CNTN6: variants seen among roughly 807,000 people sequenced by gnomAD.
CNTN6 encodes the protein contactin-6.
CNTN6 carries 137 observed loss-of-function variants against 122.8 expected under a neutral mutation model. The ratio of observed to expected loss-of-function variants is 1.12; its 90% CI spans 0.97 to 1.29. The LOEUF (loss-of-function observed/expected upper bound fraction) is 1.29, where lower values mean the gene tolerates loss of function less well. CNTN6 is among the 50% of genes most tolerant of loss of function. CNTN6 has a pLI of 0.00. For synonymous variants in CNTN6, 570 were observed against 426.0 expected (o/e 1.34, Z -4.16); for missense variants, 1,634 against 1,223.4 (o/e 1.34, Z -5.01).
In CNTN6 at chr3:1,305,098, C is replaced by T. The variant is rs77064153; in HGVS notation, c.761+7107C>T. 8.4e-3 allele frequency among the ~76,000 whole-genome samples: 1,268 copies of T among 151,648 alleles called. 17 individuals carry two copies. The highest frequency in any genetic ancestry group is 0.029 in the African/African-American group (1,191 of 41,330). ...AAACATCAAAAATCAGGTTTATACA[C>T]CTTATTATTTTATAGATGATGATGG... On this transcript the variant is annotated intron_variant, in intron 7 of 22. Transcript: ENST00000446702.
intron 20 of CNTN6, among the ~76,000 whole-genome samples, chr3:1,397,180 C>T (rs570429112): frequency 2.0e-5 from 3 of 152,002 alleles, no homozygotes; most frequent in Non-Finnish European, 4.4e-5. Context: ...TCTTTGCCAA[C>T]CGGCAATTTC....
intron 4 of CNTN6, among the ~76,000 whole-genome samples, chr3:1,239,828 A>G (rs2094461069): frequency 6.6e-6 from 1 of 152,226 alleles, no homozygotes; most frequent in African/African-American, 2.4e-5. Flanking sequence ...AAATAGGCAC[A>G]TAGACCAATG....
intron 1 of CNTN6, among the ~76,000 whole-genome samples, chr3:1,141,306 C>T (rs1029039183): frequency 6.6e-6 from 1 of 152,128 alleles, no homozygotes; most frequent in African/African-American, 2.4e-5. Context: ...AACATGGCAA[C>T]TGAAAATGGA....
chr3:1,301,146 C>G (rs1697336584), intron 7 of CNTN6, among the ~76,000 whole-genome samples: 1 of 149,482 alleles, frequency 6.7e-6, no homozygotes, highest in African/African-American at 2.5e-5. Context: ...AAGTGATTCT[C>G]CTGCCTCAGC....
At chr3:1,196,625 T>C (rs2093782419) in intron 2 of CNTN6, among the ~76,000 whole-genome samples, 1 of 152,180 alleles carries the variant, frequency 6.6e-6, no homozygotes, top group Non-Finnish European at 1.5e-5. Flanking sequence ...TGACTTATCA[T>C]AGGCCCTCGA....
intron 1 of CNTN6, among the ~76,000 whole-genome samples, chr3:1,114,115 C>T (rs1300000252): frequency 6.6e-6 from 1 of 152,172 alleles, no homozygotes; most frequent in African/African-American, 2.4e-5. Context: ...CTAAAGAATA[C>T]ACTCTTCGGT....
chr3:1,158,559 T>C (rs2093029384), intron 2 of CNTN6, among the ~76,000 whole-genome samples: 1 of 149,548 alleles, frequency 6.7e-6, no homozygotes, highest in Non-Finnish European at 1.5e-5. Flanking sequence ...TTAAAGATTG[T>C]TTCTTGACAC....
At chr3:1,370,000 G>C (rs1559941764) in intron 12 of CNTN6, among the ~76,000 whole-genome samples, 1 of 152,012 alleles carries the variant, frequency 6.6e-6, no homozygotes, top group East Asian at 1.9e-4. Context: ...AGTATATAAA[G>C]TAATAATGAT....
At chr3:1,145,647 C>A (rs1504072) in intron 1 of CNTN6, among the ~76,000 whole-genome samples, 62,124 of 151,880 alleles carry the variant, frequency 0.41, 13,333 homozygotes, top group South Asian at 0.54. Flanking sequence ...TATGGCCATG[C>A]TACCATTGTA....
At chr3:1,126,601 G>A (rs1407619002) in intron 1 of CNTN6, among the ~76,000 whole-genome samples, 1 of 151,814 alleles carries the variant, frequency 6.6e-6, no homozygotes, top group Non-Finnish European at 1.5e-5. Context: ...GCTCCATCAT[G>A]GCAGTGAGCA....
rs775192819 is a variant in CNTN6, at chr3:1,383,276, C to G, written c.2402-17C>G. On this transcript the variant is annotated splice_polypyrimidine_tract_variant and intron_variant, in intron 18 of 22. Coordinates refer to ENST00000446702, the MANE Select transcript of CNTN6 (RefSeq NM_001289080.2). Reference sequence around the variant, plus strand: ...ACCACTCTGCTAAAGATGGTTATGTCTTTCTCTGGATGGTAGAACCTCAAC... The same window carrying G: ...ACCACTCTGCTAAAGATGGTTATGTGTTTCTCTGGATGGTAGAACCTCAAC... The G allele has an allele frequency of 2.5e-6, 4 of 1,607,970 alleles. No individual in the cohort carries two copies. The highest frequency in any genetic ancestry group is 1.1e-5 in the South Asian group (1 of 90,946).
At chr3:1,240,823 A>G (rs2094473242) in intron 4 of CNTN6, among the ~76,000 whole-genome samples, 1 of 152,198 alleles carries the variant, frequency 6.6e-6, no homozygotes, top group Non-Finnish European at 1.5e-5. Flanking sequence ...AAATAAACCC[A>G]TGCACCTTCA....
At chr3:1,384,723 A>G (rs1575995795) in intron 19 of CNTN6, among the ~76,000 whole-genome samples, 1 of 136,866 alleles carries the variant, frequency 7.3e-6, no homozygotes, top group Non-Finnish European at 1.6e-5. Context: ...CATACTATAT[A>G]TACACACATA....
At chr3:1,238,507 T>G (rs568383966) in intron 4 of CNTN6, among the ~76,000 whole-genome samples, 2 of 152,156 alleles carry the variant, frequency 1.3e-5, no homozygotes, top group East Asian at 3.9e-4. Flanking sequence ...ACTTTAACAC[T>G]CCACTGACAG....
At chr3:1,389,225 C>G (rs1693704969) in intron 20 of CNTN6, among the ~76,000 whole-genome samples, 1 of 151,908 alleles carries the variant, frequency 6.6e-6, no homozygotes, top group South Asian at 2.1e-4. Context: ...TCGGCAGAAT[C>G]TCTACAAGCC....
At chr3:1,242,956 A>G (rs2094506746) in intron 4 of CNTN6, among the ~76,000 whole-genome samples, 1 of 152,142 alleles carries the variant, frequency 6.6e-6, no homozygotes, top group Non-Finnish European at 1.5e-5. Context: ...TGGAGTGGGT[A>G]GCCTCCGTAT....
In CNTN6 at chr3:1,098,672, A is replaced by G. The variant is rs140238765; in HGVS notation, c.-83+5552A>G. On this transcript the variant is annotated intron_variant, in intron 1 of 22. Transcript: ENST00000446702. ...CATGTCTGCTGACTCCATTTTTTTA[A>G]AGATGGGCAGTTTTTCCTATTTTCA... is the stretch of plus-strand genomic sequence containing the variant. Among the ~76,000 whole-genome samples the G allele has an allele frequency of 2.3e-3, 351 of 150,028 alleles. 2 individuals are homozygous for G. The highest frequency in any genetic ancestry group is 8.1e-3 in the African/African-American group (335 of 41,278).
At position 1,165,509 on chromosome 3, in the gene CNTN6, T is replaced by C. The variant is rs894678205; in HGVS notation, c.55+17446T>C. Among the ~76,000 whole-genome samples, 4 of 152,138 alleles carry C rather than the reference T, an allele frequency of 2.6e-5. No individual in the cohort carries two copies. The South Asian group carries it at 8.3e-4, about 32-fold the overall frequency. On this transcript the variant is annotated intron_variant, in intron 2 of 22. Coordinates refer to ENST00000446702, the MANE Select transcript of CNTN6 (RefSeq NM_001289080.2). ...AGGATTCCAATGAGCTTTTTCAAAC[T>C]TTTTTCCTACCTTTCTTCTATAAAG... is the stretch of plus-strand genomic sequence containing the variant.
At chr3:1,206,875 T>C (rs1446188611) in intron 2 of CNTN6, among the ~76,000 whole-genome samples, 4 of 152,156 alleles carry the variant, frequency 2.6e-5, no homozygotes, top group African/African-American at 7.2e-5. Context: ...AGTCCATCAC[T>C]CTCATAGGAC....
Sources: gnomAD v4.1 joint callset for allele counts (sites outside exome capture counted in the v4.1 genomes callset) on GRCh38, gnomAD v4.1.1 for gene constraint, MANE v1.5 for transcripts, NCBI Gene and HGNC (gene_info 2026-07-23, HGNC 2026-07-21) for gene names.